The following MTCH1 variants were observed in gnomAD, a reference collection of about 807,000 sequenced individuals.
The protein encoded by MTCH1 is mitochondrial carrier homolog 1.
In MTCH1, 23 loss-of-function variants were observed where a neutral mutation model predicts 49.3. That is an observed-to-expected ratio of 0.47 (90% CI 0.34 to 0.66). The LOEUF (loss-of-function observed/expected upper bound fraction) is 0.66. Ranked by LOEUF, MTCH1 falls within the 30% of genes least tolerant of loss-of-function variation. MTCH1 has a pLI of 0.01. For missense variants in MTCH1, 397 were observed against 532.1 expected (o/e 0.75, Z 2.50); for synonymous variants, 229 against 215.2 (o/e 1.06, Z -0.56).
In MTCH1 at chr6:36,972,772, G is replaced by A. The variant is rs1435586701; in HGVS notation, c.786C>T (p.Gly262=). 6.4e-6 allele frequency: 10 copies of A among 1,552,554 alleles called. No individual in the cohort carries two copies. The highest frequency in any genetic ancestry group is 5.9e-5 in the Admixed American group (3 of 51,130). The part of the protein sequence containing the change: ...FFVGLIPHLL[G]DVVFLWGCNL... ...TACAGCCCCACAAGAAAACCACATC[G>A]CCCAGGAGGTGAGGGATTAATCCAC... The change falls in exon 8 of 12, where the codon GGC becomes GGT. Residue 262 remains glycine, a synonymous_variant. Transcript: ENST00000373627. The surrounding 1 kb of genome is among the most constrained non-coding windows in gnomAD (Gnocchi z 4.1).
chr6:36,977,372 G>A lies in MTCH1; in HGVS notation c.650-122C>T. 9.9e-7 allele frequency: 1 copy of A among 1,014,614 alleles called. No homozygotes were observed. The highest frequency in any genetic ancestry group is 2.5e-5 in the East Asian group (1 of 40,576). The allele number at this position is 1,014,614 out of a possible 1,614,324, so 62.9% of individuals were successfully genotyped here. ...AACGTGGCCTATTCAGAGAGCAGGA[G>A]AGGAAGAGGGCCTTTCGGATTCCCT... On this transcript the variant is annotated intron_variant, in intron 5 of 11. Coordinates refer to ENST00000373627, the MANE Select transcript of MTCH1 (RefSeq NM_001271641.2). This position sits in a 1 kb window ranked among gnomAD's most constrained non-coding sequence, Gnocchi z 5.4.
intron 6 of MTCH1, among the ~76,000 whole-genome samples, chr6:36,976,282 T>TA (rs1392819593): frequency 6.6e-6 from 1 of 152,030 alleles, no homozygotes; most frequent in African/African-American, 2.4e-5. Flanking sequence ...TGCACCCTGT[T>TA]AGAGATGAGA....
rs1561911676 is a variant in MTCH1, at chr6:36,982,388, T to TTTA, written c.322-717_322-716insTAA. On this transcript the variant is annotated intron_variant, in intron 1 of 11. Coordinates refer to ENST00000373627, the MANE Select transcript of MTCH1 (RefSeq NM_001271641.2). The surrounding 1 kb of genome is among the most constrained non-coding windows in gnomAD (Gnocchi z 4.1). Reference sequence around the variant, plus strand: ...ATCTGAAATATTTATTTATTTATTTTTTTTTTTGAGATGGAGTTTCACTCT... The same window carrying TTTA: ...ATCTGAAATATTTATTTATTTATTTTTTATTTTTTTGAGATGGAGTTTCACTCT... 2.7e-3 allele frequency among the ~76,000 whole-genome samples: 409 copies of TTTA among 150,356 alleles called. No homozygotes were observed. The highest frequency in any genetic ancestry group is 9.5e-3 in the African/African-American group (379 of 40,078).
chr6:36,986,197 C>T (rs1448886066), upstream of MTCH1: 10 of 1,414,354 alleles, frequency 7.1e-6, no homozygotes, highest in Admixed American at 7.1e-5. Flanking sequence ...GAGGTCACTC[C>T]CCGTCACGTG....
Position 36,982,147 on chromosome 6 carries a change from ACC to A in MTCH1, c.322-477_322-476del, listed in dbSNP as rs1764121113. 6.6e-6 allele frequency among the ~76,000 whole-genome samples: 1 copy of A among 152,058 alleles called. No individual in the cohort carries two copies. Among genetic ancestry groups the A allele is most frequent in the African/African-American group, 2.4e-5 (1 of 41,380 alleles). Reference sequence around the variant, plus strand: ...CATTAAGTCATCTATTCCAAAGTGCACCCCAAACTCAAATTTCTTACCAAATC... The same window carrying A: ...CATTAAGTCATCTATTCCAAAGTGCACCAAACTCAAATTTCTTACCAAATC... On this transcript the variant is annotated intron_variant, in intron 1 of 11. Transcript: ENST00000373627. This position sits in a 1 kb window ranked among gnomAD's most constrained non-coding sequence, Gnocchi z 4.1.
intron 2 of MTCH1, among the ~76,000 whole-genome samples, chr6:36,979,939 TG>T (rs1410014000): frequency 6.6e-6 from 1 of 152,180 alleles, no homozygotes; most frequent in Non-Finnish European, 1.5e-5. Flanking sequence ...GGGGCCTCTG[TG>T]GGTCCCAGGG....
At position 36,972,848 on chromosome 6, in the gene MTCH1, T is replaced by G; in HGVS notation, c.762-52A>C. The G allele has an allele frequency of 6.7e-7, 1 of 1,501,244 alleles. No homozygotes were observed. The allele number at this position is 1,501,244 out of a possible 1,614,324, so 93.0% of individuals were successfully genotyped here. A position where few individuals can be genotyped will look rare whatever the true frequency, so the allele number is the denominator to read the frequency against. On this transcript the variant is annotated intron_variant, in intron 7 of 11. Coordinates refer to ENST00000373627, the MANE Select transcript of MTCH1 (RefSeq NM_001271641.2). The surrounding 1 kb of genome is among the most constrained non-coding windows in gnomAD (Gnocchi z 4.1). ...GCAGGAGAGGGAGAGGAGCAGTTCC[T>G]GGGGGCTCCACACCCAGGAAGCAGG...
chr6:36,970,513 G>A (rs377413097), intron 9 of MTCH1, 40 bp from the exon 10 acceptor site: 40 of 1,611,062 alleles, frequency 2.5e-5, no homozygotes, highest in African/African-American at 9.4e-5. Context: ...GACCCACCCC[G>A]GCCCAGGGAG....
intron 1 of MTCH1, 79 bp from the exon 2 acceptor site, chr6:36,981,751 C>A (rs2293390): frequency 1.7e-6 from 2 of 1,197,870 alleles, no homozygotes; most frequent in Non-Finnish European, 2.3e-6. Flanking sequence ...ACACCTCTTG[C>A]CCCCTTTGCT....
chr6:36,977,656 G>T lies in MTCH1; in HGVS notation c.627C>A (p.Arg209=), dbSNP rs755798499. The change falls in exon 5 of 12, where the codon CGC becomes CGA. Residue 209 remains arginine (R), a synonymous_variant. Transcript: ENST00000373627. This position sits in a 1 kb window ranked among gnomAD's most constrained non-coding sequence, Gnocchi z 5.4. ...TACCATGCAGGGGGTGGGCCAACATGCGGGACACACACTGCATCATCATCT... is the reference window on the plus strand; with the variant it reads ...TACCATGCAGGGGGTGGGCCAACATTCGGGACACACACTGCATCATCATCT... ...SYEMMMQCVS[R]MLAHPLHVIS... is the part of the protein sequence containing the mutation. The T allele has an allele frequency of 5.6e-5, 91 of 1,611,024 alleles. No individual in the cohort carries two copies. In the Middle Eastern group the frequency reaches 6.6e-4, roughly 12 times the overall value.
intron 11 of MTCH1, chr6:36,969,783 T>C (rs1440863449): frequency 1.1e-5 from 15 of 1,396,206 alleles, no homozygotes; most frequent in Non-Finnish European, 1.2e-5. Flanking sequence ...ATCCTAAGAG[T>C]CTTTAAGACT....
intron 11 of MTCH1, 148 bp downstream of exon 11, chr6:36,969,891 A>ATT (rs1763612258): frequency 6.5e-7 from 1 of 1,546,990 alleles, no homozygotes; most frequent in African/African-American, 1.4e-5. Context: ...GAAAACTTAA[A>ATT]TGCCTTATAG....
chr6:36,986,294 G>T, upstream of MTCH1: 1 of 973,660 alleles, frequency 1.0e-6, no homozygotes, highest in Non-Finnish European at 1.4e-6. Context: ...GCGTGGTGCG[G>T]CGGGTGGGAC....
Position 36,981,641 on chromosome 6 carries a change from C to T in MTCH1, c.353G>A (p.Gly118Glu). The T allele has an allele frequency of 6.2e-7, 1 of 1,613,798 alleles. No homozygotes were observed. The highest frequency in any genetic ancestry group is 1.1e-5 in the South Asian group (1 of 91,062). The change falls in exon 2 of 12, where the codon GGG becomes GAG. Residue 118 changes from glycine to glutamate, a missense_variant. Coordinates refer to ENST00000373627, the MANE Select transcript of MTCH1 (RefSeq NM_001271641.2). ...GACCTTCCTCCCCAGCACATTGGTC[C>T]CAAGGGTGGGGGGCATCGGCTCATG... ...VGHEPMPPTL[G>E]TNVLGRKVLY...
At chr6:36,978,662 C>G in intron 2 of MTCH1, 51 bp from the exon 3 acceptor site, 1 of 1,536,908 alleles carries the variant, frequency 6.5e-7, no homozygotes, top group Non-Finnish European at 9.0e-7. Context: ...CAGGGGCACC[C>G]ACTCCTGGGT....
intron 2 of MTCH1, 90 bp downstream of exon 2, chr6:36,981,498 A>C: frequency 8.3e-7 from 1 of 1,206,996 alleles, no homozygotes; most frequent in East Asian, 2.4e-5. Flanking sequence ...CATGCTGCGC[A>C]GTGAGTTCCC....
At chr6:36,979,244 A>C (rs983174579) in intron 2 of MTCH1, among the ~76,000 whole-genome samples, 29 of 152,164 alleles carry the variant, frequency 1.9e-4, no homozygotes, top group African/African-American at 6.8e-4. Context: ...AGTAACTAAA[A>C]CAGGAGCACC....
intron 3 of MTCH1, 76 bp from the exon 4 acceptor site, chr6:36,978,231 A>G: frequency 7.7e-7 from 1 of 1,302,832 alleles, no homozygotes; most frequent in Non-Finnish European, 1.1e-6. Flanking sequence ...GGGCGGCAGG[A>G]ACCAGCTCCA....
chr6:36,978,201 A>G, intron 3 of MTCH1, 46 bp from the exon 4 acceptor site: 1 of 1,519,168 alleles, frequency 6.6e-7, no homozygotes, highest in Non-Finnish European at 9.1e-7. Context: ...CGCCTCTTCC[A>G]TGGAACTCTT....
Sources: gnomAD v4.1 joint callset for allele counts (sites outside exome capture counted in the v4.1 genomes callset) on GRCh38, gnomAD v4.1.1 for gene constraint, Gnocchi (gnomAD v3.1) non-coding constraint, MANE v1.5 for transcripts, NCBI Gene and HGNC (gene_info 2026-07-23, HGNC 2026-07-21) for gene names.